ZBTB20: variants seen among roughly 807,000 people sequenced by gnomAD.
The protein encoded by ZBTB20 is zinc finger and BTB domain containing 20, also known as zinc finger and BTB domain-containing protein 20.
In ZBTB20, 9 loss-of-function variants were observed where a neutral mutation model predicts 56.9. That is an observed-to-expected ratio of 0.16 (90% CI 0.10 to 0.28). The LOEUF (loss-of-function observed/expected upper bound fraction) is 0.28, where lower values mean the gene tolerates loss of function less well. ZBTB20 is among the 10% of genes least tolerant of loss of function. The probability of loss-of-function intolerance (pLI) is 1.00; values close to 1 mark genes in which losing one functional copy is unlikely to be tolerated. For missense variants in ZBTB20, 655 were observed against 1,003.0 expected, an observed-to-expected ratio of 0.65 and a Z score of 4.69; for synonymous variants, 417 against 420.7, an observed-to-expected ratio of 0.99 and a Z score of 0.11.
rs181762010 is a variant in ZBTB20 at position 114,879,695 on chromosome 3, T to C, written c.-417+20609A>G. On this transcript the variant is annotated intron_variant, in intron 4 of 11. Coordinates refer to ENST00000675478, the MANE Select transcript of ZBTB20 (RefSeq NM_001348800.3). Reference sequence around the variant, plus strand: ...CCTTATTTATACGGATTTGAGGCAGTACTTGCTTTTGTGTGATAGAATTAT... The same window carrying C: ...CCTTATTTATACGGATTTGAGGCAGCACTTGCTTTTGTGTGATAGAATTAT... Among the ~76,000 whole-genome samples the C allele has an allele frequency of 2.6e-5, 4 of 152,324 alleles. No homozygotes were observed. In the East Asian group the frequency reaches 7.7e-4, roughly 29 times the overall value.
intron 7 of ZBTB20, among the ~76,000 whole-genome samples, chr3:114,477,879 C>T (rs1167394160): frequency 7.0e-6 from 1 of 143,134 alleles, no homozygotes; most frequent in African/African-American, 2.6e-5. Context: ...TCCTTCCTTC[C>T]TTTTTTCTTT....
chr3:114,441,666 T>G (rs937040149), intron 7 of ZBTB20, among the ~76,000 whole-genome samples: 1 of 152,140 alleles, frequency 6.6e-6, no homozygotes, highest in Non-Finnish European at 1.5e-5. Flanking sequence ...CTACATTTAT[T>G]GTAAGCAACC....
chr3:114,340,417 T>C (rs187865546), intron 11 of ZBTB20, among the ~76,000 whole-genome samples: 1 of 152,264 alleles, frequency 6.6e-6, no homozygotes, highest in African/African-American at 2.4e-5. Flanking sequence ...ATTTTTAAAA[T>C]AGTTTTCCTG....
At chr3:114,659,511 A>C (rs2060599778) in intron 6 of ZBTB20, among the ~76,000 whole-genome samples, 1 of 152,134 alleles carries the variant, frequency 6.6e-6, no homozygotes, top group Non-Finnish European at 1.5e-5. Flanking sequence ...AAACTAAGTA[A>C]TCTATGAGAA....
At chr3:114,986,776 T>G (rs1181879460) in intron 2 of ZBTB20, among the ~76,000 whole-genome samples, 3 of 152,118 alleles carry the variant, frequency 2.0e-5, no homozygotes, top group Non-Finnish European at 2.9e-5. Context: ...AGCCACACAA[T>G]TAAACTAAAA....
At chr3:114,477,035 C>T (rs2040851251) in intron 7 of ZBTB20, among the ~76,000 whole-genome samples, 1 of 152,156 alleles carries the variant, frequency 6.6e-6, no homozygotes, top group South Asian at 2.1e-4. Context: ...CTTCTAATCC[C>T]TTCCACAGTA....
At chr3:114,594,467 A>G (rs1231564062) in intron 6 of ZBTB20, among the ~76,000 whole-genome samples, 2 of 151,934 alleles carry the variant, frequency 1.3e-5, no homozygotes, top group African/African-American at 4.8e-5. Context: ...GGGTTTCACT[A>G]TGTTGGCCAA....
intron 2 of ZBTB20, among the ~76,000 whole-genome samples, chr3:114,979,225 T>A (rs1360144724): frequency 6.6e-6 from 1 of 152,010 alleles, no homozygotes; most frequent in African/African-American, 2.4e-5. Context: ...ACTGTGAACA[T>A]ACTTTTACAA....
chr3:114,326,344 C>T lies in ZBTB20; in HGVS notation c.*12661G>A, dbSNP rs1350137350. The T allele has an allele frequency of 6.6e-6, 1 of 152,130 alleles. No homozygotes were observed. The highest frequency in any genetic ancestry group is 1.5e-5 in the Non-Finnish European group (1 of 68,020). 9.4% of individuals were successfully genotyped at this position (152,130 alleles called of 1,614,324 possible). ...AAAAAATCTATTCTTTGGCCCCAGA[C>T]CTGTTAGTTTAGGTAAATACGGTTT... On this transcript the variant is annotated 3_prime_UTR_variant, in exon 12 of 12. Transcript: ENST00000675478.
At chr3:114,809,316 A>G (rs2108870621) in intron 4 of ZBTB20, among the ~76,000 whole-genome samples, 1 of 152,176 alleles carries the variant, frequency 6.6e-6, no homozygotes, top group East Asian at 1.9e-4. Context: ...ATATGTTAGT[A>G]TGCTTGATGG....
chr3:115,022,490 G>A (rs779278583), intron 2 of ZBTB20, among the ~76,000 whole-genome samples: 3 of 150,814 alleles, frequency 2.0e-5, no homozygotes, highest in Non-Finnish European at 3.0e-5. Context: ...TTTAATTTTC[G>A]TTGCTTTTTA....
chr3:114,707,976 C>T (rs1324074101), intron 5 of ZBTB20, among the ~76,000 whole-genome samples: 2 of 152,180 alleles, frequency 1.3e-5, no homozygotes, highest in African/African-American at 2.4e-5. Context: ...TCTCAGAAAG[C>T]AGGAATCATA....
intron 5 of ZBTB20, among the ~76,000 whole-genome samples, chr3:114,781,903 T>C (rs1185377824): frequency 6.6e-6 from 1 of 152,194 alleles, no homozygotes; most frequent in Non-Finnish European, 1.5e-5. Context: ...TCCGCCATGA[T>C]TGTGAGGTCT....
At chr3:114,903,211 T>C (rs1481852454) in intron 3 of ZBTB20, among the ~76,000 whole-genome samples, 1 of 152,152 alleles carries the variant, frequency 6.6e-6, no homozygotes, top group Admixed American at 6.6e-5. Flanking sequence ...TCTTTAGTTC[T>C]GTGATCCTAA....
At chr3:115,071,965 G>A (rs2082425802) in intron 1 of ZBTB20, among the ~76,000 whole-genome samples, 1 of 152,158 alleles carries the variant, frequency 6.6e-6, no homozygotes, top group Non-Finnish European at 1.5e-5. Flanking sequence ...TGACAAAGAA[G>A]CTTCCAAAGA....
intron 1 of ZBTB20, among the ~76,000 whole-genome samples, chr3:115,133,276 A>G (rs1027775655): frequency 6.6e-6 from 1 of 152,178 alleles, no homozygotes; most frequent in African/African-American, 2.4e-5. Flanking sequence ...TTTGTCACAC[A>G]GCTACATTCT....
At chr3:114,722,215 A>G (rs891066078) in intron 5 of ZBTB20, among the ~76,000 whole-genome samples, 3 of 152,190 alleles carry the variant, frequency 2.0e-5, no homozygotes, top group Non-Finnish European at 2.9e-5. Context: ...TTCTAACTAC[A>G]TGACATACAG....
intron 3 of ZBTB20, among the ~76,000 whole-genome samples, chr3:114,932,214 C>A (rs920691326): frequency 5.3e-5 from 8 of 152,170 alleles, no homozygotes; most frequent in Non-Finnish European, 1.2e-4. Flanking sequence ...TCACCTGTAA[C>A]CACCTGTAAC....
At chr3:114,496,674 ACT>A (rs1325126747) in intron 7 of ZBTB20, among the ~76,000 whole-genome samples, 3 of 152,072 alleles carry the variant, frequency 2.0e-5, no homozygotes. Context: ...CTTATGGTGA[ACT>A]CTAATTCAGA....
Sources: allele counts gnomAD v4.1 joint callset (sites outside exome capture counted in the v4.1 genomes callset), GRCh38; gene constraint gnomAD v4.1.1; transcripts MANE v1.5; gene names NCBI Gene and HGNC (gene_info 2026-07-23, HGNC 2026-07-21).